CHLSN: variants seen among roughly 807,000 people sequenced by gnomAD.
The protein encoded by CHLSN is protein cholesin.
At chr7:1,108,895 A>ATTTTT in the CHLSN span, among the ~76,000 whole-genome samples, 3,395 of 129,374 alleles carry the variant, frequency 0.026, 167 homozygotes, top group African/African-American at 0.094. Context: ...TCTCCCAGGC[A>ATTTTT]TTTTTTTTTT....
the CHLSN span, among the ~76,000 whole-genome samples, chr7:1,070,257 G>T: frequency 2.3e-5 from 3 of 130,210 alleles, no homozygotes; most frequent in Non-Finnish European, 4.8e-5. Context: ...GGAGGGAGGT[G>T]GGGGGGGTCA....
chr7:999,840 C>T, the CHLSN span, among the ~76,000 whole-genome samples: 4 of 152,244 alleles, frequency 2.6e-5, no homozygotes, highest in Admixed American at 1.3e-4. Flanking sequence ...TCCAGCCTCA[C>T]AGGACATGGG....
At chr7:1,061,359 G>C in the CHLSN span, among the ~76,000 whole-genome samples, 1 of 151,966 alleles carries the variant, frequency 6.6e-6, no homozygotes, top group Admixed American at 6.5e-5. Context: ...GCAGACCCTC[G>C]CCTGCTACCT....
At chr7:1,016,879 GCAGCACACAC>G in the CHLSN span, among the ~76,000 whole-genome samples, 1 of 90,000 alleles carries the variant, frequency 1.1e-5, no homozygotes, top group Non-Finnish European at 2.1e-5. Context: ...GCAGCGCACA[GCAGCACACAC>G]CAGCGCACAG....
the CHLSN span, among the ~76,000 whole-genome samples, chr7:1,079,541 T>A: frequency 6.6e-6 from 1 of 152,002 alleles, no homozygotes; most frequent in Non-Finnish European, 1.5e-5. Context: ...AAAATGATAA[T>A]AAAACCCAGG....
chr7:1,103,984 A>G, the CHLSN span, among the ~76,000 whole-genome samples: 4 of 151,482 alleles, frequency 2.6e-5, no homozygotes, highest in South Asian at 8.4e-4. Context: ...TTCCCACCAA[A>G]CTCCAAGCTC....
At chr7:1,095,092 C>G in the CHLSN span, among the ~76,000 whole-genome samples, 80 of 151,628 alleles carry the variant, frequency 5.3e-4, 2 homozygotes, top group South Asian at 0.016. Flanking sequence ...GACTCAGGCC[C>G]GGCGCACCCC....
At chr7:1,091,062 G>A in the CHLSN span, among the ~76,000 whole-genome samples, 2 of 152,098 alleles carry the variant, frequency 1.3e-5, no homozygotes, top group African/African-American at 4.8e-5. Context: ...CACAAATGCC[G>A]TTGTCCTGGG....
the CHLSN span, chr7:1,026,553 C>A: frequency 6.6e-6 from 1 of 152,256 alleles, no homozygotes; most frequent in African/African-American, 2.4e-5. Context: ...CCGCTAAGCA[C>A]AAGGACGGCC....
At chr7:1,000,009 T>G in the CHLSN span, among the ~76,000 whole-genome samples, 9 of 152,314 alleles carry the variant, frequency 5.9e-5, no homozygotes, top group Admixed American at 2.0e-4. Flanking sequence ...ACACACGTCA[T>G]GCACACACGC....
the CHLSN span, among the ~76,000 whole-genome samples, chr7:1,110,627 C>T: frequency 2.6e-5 from 4 of 152,336 alleles, no homozygotes; most frequent in South Asian, 2.1e-4. Flanking sequence ...ACACGGGCCT[C>T]GCGGGGCCTG....
the CHLSN span, chr7:997,646 C>T: frequency 3.7e-6 from 6 of 1,608,138 alleles, no homozygotes; most frequent in Admixed American, 8.4e-5. Flanking sequence ...GCTGCAGCAC[C>T]TGTCGGATGC....
chr7:1,090,995 C>T, the CHLSN span, among the ~76,000 whole-genome samples: 2 of 152,204 alleles, frequency 1.3e-5, no homozygotes, highest in African/African-American at 4.8e-5. Flanking sequence ...GAAACACTGG[C>T]TTTCCCTTCC....
chr7:1,015,085 G>A, the CHLSN span, among the ~76,000 whole-genome samples: 3 of 152,220 alleles, frequency 2.0e-5, no homozygotes, highest in Non-Finnish European at 2.9e-5. Flanking sequence ...AAAGGACAGT[G>A]ACCCCTGCCC....
At chr7:1,098,863 G>A in the CHLSN span, among the ~76,000 whole-genome samples, 1 of 152,246 alleles carries the variant, frequency 6.6e-6, no homozygotes, top group Non-Finnish European at 1.5e-5. Flanking sequence ...GACAGGCAAT[G>A]GAGTTTCCCT....
At chr7:1,090,473 G>A in the CHLSN span, among the ~76,000 whole-genome samples, 4 of 151,370 alleles carry the variant, frequency 2.6e-5, no homozygotes, top group Admixed American at 2.0e-4. Context: ...AGGGTGACAC[G>A]GGGTGGGTGA....
chr7:1,119,889 A>AGG, the CHLSN span, among the ~76,000 whole-genome samples: 91 of 150,282 alleles, frequency 6.1e-4, no homozygotes, highest in Non-Finnish European at 9.6e-4. Context: ...AAAAAAAAAA[A>AGG]GGGGGATAGA....
the CHLSN span, chr7:1,092,091 G>A: frequency 6.2e-7 from 1 of 1,613,968 alleles, no homozygotes; most frequent in South Asian, 1.1e-5. Context: ...ACCTGCACGA[G>A]CGGTACTACG....
the CHLSN span, chr7:984,619 A>G: frequency 1.3e-6 from 2 of 1,528,564 alleles, no homozygotes; most frequent in Non-Finnish European, 1.7e-6. Flanking sequence ...GTGTGGGGGC[A>G]CCTGGACCCC....
Sources: allele counts gnomAD v4.1 joint callset (sites outside exome capture counted in the v4.1 genomes callset), GRCh38; gene constraint gnomAD v4.1.1; transcripts MANE v1.5; gene names NCBI Gene and HGNC (gene_info 2026-07-23, HGNC 2026-07-21).